GRID1: variants seen among roughly 807,000 people sequenced by gnomAD.
GRID1 encodes glutamate ionotropic receptor delta type subunit 1.
GRID1 carries 28 observed loss-of-function variants against 98.0 expected under a neutral mutation model. That is an observed-to-expected ratio of 0.29 (90% CI 0.21 to 0.39). GRID1 has a LOEUF of 0.39. Among genes scored for constraint, GRID1 ranks in the 10% least tolerant of loss-of-function variants. The pLI is 1.00. For missense variants in GRID1, 1,111 were observed against 1,340.5 expected (o/e 0.83, Z 2.67); for synonymous variants, 553 against 538.5 (o/e 1.03, Z -0.37).
intron 8 of GRID1, among the ~76,000 whole-genome samples, chr10:85,840,793 A>G (rs1327031812): frequency 1.3e-5 from 2 of 152,194 alleles, no homozygotes; most frequent in African/African-American, 2.4e-5. Flanking sequence ...GAAGTGAAAG[A>G]TCTCTACAAA....
chr10:85,921,577 C>A (rs1841704353), intron 4 of GRID1, among the ~76,000 whole-genome samples: 1 of 152,162 alleles, frequency 6.6e-6, no homozygotes, highest in African/African-American at 2.4e-5. Flanking sequence ...TACTGGCTCC[C>A]AGCTTCCAAA....
At chr10:85,799,958 C>CA (rs1230055666) in intron 8 of GRID1, among the ~76,000 whole-genome samples, 2 of 151,918 alleles carry the variant, frequency 1.3e-5, no homozygotes, top group Non-Finnish European at 2.9e-5. Context: ...ATATATGTAT[C>CA]AAAACATCAC....
chr10:86,351,994 T>G (rs945155894), intron 2 of GRID1, among the ~76,000 whole-genome samples: 4 of 152,140 alleles, frequency 2.6e-5, no homozygotes, highest in African/African-American at 9.7e-5. Flanking sequence ...AGGGACCCTG[T>G]GTGTAAAGAG....
intron 2 of GRID1, among the ~76,000 whole-genome samples, chr10:86,295,321 G>A (rs974753031): frequency 6.6e-6 from 1 of 152,188 alleles, no homozygotes; most frequent in Non-Finnish European, 1.5e-5. Flanking sequence ...GGAGAGAACT[G>A]CTGGGTGATG....
chr10:86,158,183 G>A (rs1845272457), intron 3 of GRID1, among the ~76,000 whole-genome samples: 2 of 152,186 alleles, frequency 1.3e-5, no homozygotes, highest in South Asian at 4.1e-4. Context: ...GAGGGGAAGG[G>A]CCTGGCCCTG....
chr10:85,976,101 A>G (rs1312540727), intron 4 of GRID1, among the ~76,000 whole-genome samples: 1 of 152,128 alleles, frequency 6.6e-6, no homozygotes, highest in Non-Finnish European at 1.5e-5. Flanking sequence ...CTTTCTTACG[A>G]TCTGAACATC....
intron 4 of GRID1, among the ~76,000 whole-genome samples, chr10:85,935,528 T>G (rs2131835179): frequency 6.6e-6 from 1 of 152,250 alleles, no homozygotes; most frequent in African/African-American, 2.4e-5. Context: ...TGGGAGCTGC[T>G]TTCGAGTGAA....
intron 2 of GRID1, among the ~76,000 whole-genome samples, chr10:86,291,696 T>C (rs1173761713): frequency 6.6e-6 from 1 of 152,146 alleles, no homozygotes; most frequent in Non-Finnish European, 1.5e-5. Flanking sequence ...TCTGTGTTGG[T>C]TCCCCCACCA....
chr10:86,263,349 G>T (rs1317310992), intron 2 of GRID1, among the ~76,000 whole-genome samples: 1 of 152,070 alleles, frequency 6.6e-6, no homozygotes, highest in Non-Finnish European at 1.5e-5. Context: ...GCGGGGCCGC[G>T]GTGGGCCAGC....
intron 2 of GRID1, among the ~76,000 whole-genome samples, chr10:86,330,865 C>A (rs1385938364): frequency 6.6e-6 from 1 of 152,214 alleles, no homozygotes; most frequent in Non-Finnish European, 1.5e-5. Context: ...GGTGATGGCT[C>A]ATCTCACAGA....
intron 2 of GRID1, among the ~76,000 whole-genome samples, chr10:86,254,515 G>A (rs898853986): frequency 2.0e-5 from 3 of 152,212 alleles, no homozygotes; most frequent in African/African-American, 7.2e-5. Context: ...TAAAATTTGA[G>A]AACTACCGTA....
intron 12 of GRID1, among the ~76,000 whole-genome samples, chr10:85,705,037 A>G (rs538388228): frequency 6.6e-6 from 1 of 152,242 alleles, no homozygotes; most frequent in Non-Finnish European, 1.5e-5. Flanking sequence ...AAAATTGACA[A>G]CCTAACATCA....
chr10:85,904,096 T>C (rs888908035), intron 5 of GRID1, among the ~76,000 whole-genome samples: 6 of 152,232 alleles, frequency 3.9e-5, no homozygotes, highest in Non-Finnish European at 7.3e-5. Flanking sequence ...TCATCTGTCT[T>C]GCCCCATTGA....
chr10:85,961,664 G>A (rs926770760), intron 4 of GRID1, among the ~76,000 whole-genome samples: 17 of 146,310 alleles, frequency 1.2e-4, no homozygotes, highest in Non-Finnish European at 1.8e-4. Flanking sequence ...TTCCTTCTCA[G>A]CTTCCTTCTC....
chr10:86,038,056 G>A (rs768927842), intron 4 of GRID1, among the ~76,000 whole-genome samples: 14 of 152,114 alleles, frequency 9.2e-5, no homozygotes, highest in Non-Finnish European at 2.1e-4. Flanking sequence ...AAGGAAGATC[G>A]CATGAAGACA....
chr10:85,901,390 G>A (rs1589292700), intron 5 of GRID1, among the ~76,000 whole-genome samples: 1 of 152,060 alleles, frequency 6.6e-6, no homozygotes, highest in South Asian at 2.1e-4. Context: ...GGGACTACAG[G>A]TGCCCGCCAC....
At chr10:85,742,249 C>T (rs541193184) in intron 8 of GRID1, among the ~76,000 whole-genome samples, 7 of 152,000 alleles carry the variant, frequency 4.6e-5, no homozygotes, top group Middle Eastern at 3.4e-3. Context: ...TTTAACTATT[C>T]CATAAAGGAC....
chr10:85,742,948 G>A (rs1361083635), intron 8 of GRID1, among the ~76,000 whole-genome samples: 1 of 152,058 alleles, frequency 6.6e-6, no homozygotes, highest in African/African-American at 2.4e-5. Flanking sequence ...GGGTGTGGGG[G>A]CTATTCTGTG....
In GRID1 at chr10:86,012,299, A is replaced by G. The variant is rs1046407937; in HGVS notation, c.727-96060T>C. 5.9e-5 allele frequency among the ~76,000 whole-genome samples: 9 copies of G among 152,282 alleles called. 1 individual carries two copies. The highest frequency in any genetic ancestry group is 2.2e-4 in the African/African-American group (9 of 41,538). The stretch of plus-strand genomic sequence containing the variant: ...AGGCTGTAAAGTGTTGGTCAACTGC[A>G]GTTGAAACTAGTGCCCTGATTTCAA... On this transcript the variant is annotated intron_variant, in intron 4 of 15. Transcript: ENST00000327946.
Sources: gnomAD v4.1 joint callset for allele counts (sites outside exome capture counted in the v4.1 genomes callset) on GRCh38, gnomAD v4.1.1 for gene constraint, MANE v1.5 for transcripts, NCBI Gene and HGNC (gene_info 2026-07-23, HGNC 2026-07-21) for gene names.